Variants in RCC1 observed in about 807,000 individuals in gnomAD.
The protein encoded by RCC1 is regulator of chromosome condensation.
Under a neutral mutation model 44.4 loss-of-function variants are expected in RCC1, and 11 were observed. The ratio of observed to expected loss-of-function variants is 0.25; its 90% CI spans 0.16 to 0.41. The LOEUF (loss-of-function observed/expected upper bound fraction) is 0.41. RCC1 is among the 10% of genes least tolerant of loss of function. The pLI is 1.00. For missense variants in RCC1, 386 were observed against 547.1 expected (o/e 0.71, Z 2.94); for synonymous variants, 213 against 216.5 (o/e 0.98, Z 0.14).
At chr1:28,535,833 C>G (rs374117651) in intron 9 of RCC1, 38 bp from the exon 10 acceptor site, 158 of 1,590,784 alleles carry the variant, frequency 9.9e-5, no homozygotes, top group Non-Finnish European at 1.2e-4. Flanking sequence ...CCATGTGTGT[C>G]TGTCTGTCAC....
At chr1:28,513,738 C>G (rs1161174238) in intron 3 of RCC1, among the ~76,000 whole-genome samples, 1 of 152,072 alleles carries the variant, frequency 6.6e-6, no homozygotes, top group African/African-American at 2.4e-5. Context: ...GCATGTGCCA[C>G]TATGGCTGGC....
intron 2 of RCC1, 145 bp downstream of exon 2, chr1:28,508,305 A>G (rs539624754): frequency 5.7e-6 from 2 of 352,938 alleles, no homozygotes; most frequent in South Asian, 4.2e-5. Flanking sequence ...ATAGCCAAAT[A>G]TCGACTTTGC....
At chr1:28,510,230 G>C (rs1333263556) in intron 3 of RCC1, 1 of 152,396 alleles carries the variant, frequency 6.6e-6, no homozygotes, top group Non-Finnish European at 1.5e-5. Context: ...GCTTGCCAAG[G>C]TGTTGAGGTC....
rs576736194 is a variant in RCC1, at chr1:28,526,581, G to T, written c.-9-3277G>T. The T allele has an allele frequency of 3.7e-5, 21 of 563,532 alleles. No individual in the cohort carries two copies. The South Asian group carries it at 3.9e-4, about 11-fold the overall frequency. 34.9% of individuals were successfully genotyped at this position (563,532 alleles called of 1,614,324 possible). On this transcript the variant is annotated intron_variant, in intron 4 of 12. Transcript: ENST00000683442. ...TTTGTCACTAGAAGCAACAATTTCT[G>T]TAGGACACACAAAGGTGAAATCCAA...
chr1:28,531,765 A>T (rs772150669), intron 5 of RCC1, 38 bp from the exon 6 acceptor site: 6 of 1,469,782 alleles, frequency 4.1e-6, no homozygotes, highest in Non-Finnish European at 5.4e-6. Flanking sequence ...CGCTGTCGTC[A>T]TCCTCTACAC....
intron 2 of RCC1, 108 bp downstream of exon 2, chr1:28,508,268 CTG>C (rs1169623094): frequency 1.1e-5 from 4 of 365,196 alleles, no homozygotes; most frequent in Non-Finnish European, 2.2e-5. Flanking sequence ...GGATTTACCT[CTG>C]AGGCATTTAA....
At chr1:28,508,071 C>T in intron 1 of RCC1, 57 bp from the exon 2 acceptor site, 1 of 417,442 alleles carries the variant, frequency 2.4e-6, no homozygotes, top group Non-Finnish European at 5.0e-6. Flanking sequence ...CATGAGGCCC[C>T]TCGTTGAAAA....
chr1:28,531,756 G>A (rs778380140), intron 5 of RCC1, 47 bp from the exon 6 acceptor site: 7 of 1,444,414 alleles, frequency 4.8e-6, no homozygotes, highest in East Asian at 2.4e-5. Context: ...ACCTCTCCTC[G>A]CTGTCGTCAT....
intron 4 of RCC1, among the ~76,000 whole-genome samples, chr1:28,522,460 C>T (rs1663344823): frequency 1.3e-5 from 2 of 151,998 alleles, no homozygotes; most frequent in Admixed American, 1.3e-4. Flanking sequence ...GAAAAGGGGA[C>T]CACTAAGGAG....
At chr1:28,527,650 A>G (rs1167440510) in intron 4 of RCC1, among the ~76,000 whole-genome samples, 1 of 152,222 alleles carries the variant, frequency 6.6e-6, no homozygotes, top group Non-Finnish European at 1.5e-5. Flanking sequence ...GAATGGAGTT[A>G]TGATGGATAT....
intron 4 of RCC1, among the ~76,000 whole-genome samples, chr1:28,527,494 C>T (rs1350489057): frequency 6.6e-6 from 1 of 152,066 alleles, no homozygotes; most frequent in Admixed American, 6.6e-5. Context: ...CCTCCTGCCT[C>T]GACTTCCCAA....
intron 4 of RCC1, among the ~76,000 whole-genome samples, chr1:28,525,443 C>T (rs1663585904): frequency 6.6e-6 from 1 of 152,064 alleles, no homozygotes; most frequent in South Asian, 2.1e-4. Flanking sequence ...TGATGACAGC[C>T]CTGAGAAGTA....
intron 1 of RCC1, chr1:28,507,764 G>C (rs1662127438): frequency 5.9e-6 from 2 of 339,328 alleles, no homozygotes; most frequent in Non-Finnish European, 1.2e-5. Context: ...CCGCCACCAC[G>C]CCAGGCTAAT....
At chr1:28,515,922 C>T (rs748791076) in intron 3 of RCC1, among the ~76,000 whole-genome samples, 1 of 151,908 alleles carries the variant, frequency 6.6e-6, no homozygotes, top group Non-Finnish European at 1.5e-5. Context: ...TGGCTCACGC[C>T]TGTAATCCCA....
chr1:28,511,785 C>A (rs1251703396), intron 3 of RCC1, among the ~76,000 whole-genome samples: 1 of 151,898 alleles, frequency 6.6e-6, no homozygotes, highest in Non-Finnish European at 1.5e-5. Context: ...CTCAGCCTCC[C>A]AAGTAGCTGG....
intron 4 of RCC1, among the ~76,000 whole-genome samples, chr1:28,523,929 G>A (rs951493380): frequency 6.6e-6 from 1 of 152,170 alleles, no homozygotes; most frequent in Non-Finnish European, 1.5e-5. Flanking sequence ...CGATTCTCCT[G>A]CCTCAGCCTC....
intron 7 of RCC1, among the ~76,000 whole-genome samples, chr1:28,534,339 C>A (rs186372350): frequency 2.4e-4 from 37 of 152,262 alleles, no homozygotes; most frequent in Middle Eastern, 3.4e-3. Flanking sequence ...CGCTACAACG[C>A]CCGGCTAATT....
intron 7 of RCC1, among the ~76,000 whole-genome samples, chr1:28,534,075 A>AC (rs933134423): frequency 6.6e-6 from 1 of 151,034 alleles, no homozygotes; most frequent in African/African-American, 2.4e-5. Flanking sequence ...ACGGGGTTTC[A>AC]CCATGTTGGC....
intron 3 of RCC1, among the ~76,000 whole-genome samples, chr1:28,514,805 C>T (rs1489133884): frequency 1.3e-5 from 2 of 151,992 alleles, no homozygotes; most frequent in Non-Finnish European, 2.9e-5. Context: ...TGGCTCACGC[C>T]TGTAATCCAT....
Sources: gnomAD v4.1 joint callset for allele counts (sites outside exome capture counted in the v4.1 genomes callset) on GRCh38, gnomAD v4.1.1 for gene constraint, MANE v1.5 for transcripts, NCBI Gene and HGNC (gene_info 2026-07-23, HGNC 2026-07-21) for gene names.